SPAG9: variants seen among roughly 807,000 people sequenced by gnomAD.
SPAG9 encodes sperm associated antigen 9.
SPAG9 carries 35 observed loss-of-function variants against 166.5 expected under a neutral mutation model. The observed-to-expected ratio is 0.21, with a 90% confidence interval of 0.16 to 0.28. The LOEUF (loss-of-function observed/expected upper bound fraction) is 0.28, where lower values mean the gene tolerates loss of function less well. SPAG9 is among the 10% of genes least tolerant of loss of function. The pLI is 1.00. For synonymous variants in SPAG9, 534 were observed against 565.5 expected (o/e 0.94, Z 0.79); for missense variants, 1,235 against 1,603.3 (o/e 0.77, Z 3.92).
intron 1 of SPAG9, among the ~76,000 whole-genome samples, chr17:51,107,365 T>C (rs896814354): frequency 2.0e-5 from 3 of 151,138 alleles, no homozygotes; most frequent in Non-Finnish European, 2.9e-5. Flanking sequence ...CTGGGCAACA[T>C]AGTCTGACCC....
chr17:51,085,959 A>ATTTTTT lies in SPAG9; in HGVS notation c.304-6261_304-6256dup, dbSNP rs34918673. ...ATAATTTTTTATCCTCTTGGAAATCATTTTTTTTTTTTTTTTTTTTTTTTT... is the reference window on the plus strand; with the variant it reads ...ATAATTTTTTATCCTCTTGGAAATCATTTTTTTTTTTTTTTTTTTTTTTTTTTTTTT... On this transcript the variant is annotated intron_variant, in intron 1 of 29. Coordinates refer to ENST00000262013, the MANE Select transcript of SPAG9 (RefSeq NM_001130528.3). Among the ~76,000 whole-genome samples, 48 of 88,066 alleles carry ATTTTTT rather than the reference A, an allele frequency of 5.5e-4. 1 individual carries two copies. Among genetic ancestry groups the ATTTTTT allele is most frequent in the African/African-American group, 7.8e-4 (17 of 21,930 alleles). The allele number at this position is 88,066 out of a possible 152,430, so 57.8% of individuals were successfully genotyped here.
At chr17:51,024,131 A>AC (rs1363572218) in intron 6 of SPAG9, among the ~76,000 whole-genome samples, 1 of 151,956 alleles carries the variant, frequency 6.6e-6, no homozygotes, top group Non-Finnish European at 1.5e-5. Context: ...CCCGTAATCT[A>AC]CTAAAAACAC....
In SPAG9 at chr17:50,990,558, T is replaced by A. The variant is rs1267787432; in HGVS notation, c.2509A>T (p.Ser837Cys). 6 of 1,614,188 alleles carry A rather than the reference T, an allele frequency of 3.7e-6. No homozygotes were observed. The highest frequency in any genetic ancestry group is 3.3e-4 in the Middle Eastern group (2 of 6,062). ...MTSNSSAETD[S>C]LLGGITVVGC... The stretch of plus-strand genomic sequence containing the variant: ...ACCACTGTGATGCCTCCTAACAGGC[T>A]GTCTGTCTCTGCTGAGCTGTTGCTT... The change falls in exon 20 of 30, where the codon AGC (serine) becomes TGC (cysteine). Residue 837 changes from serine (S) to cysteine (C), a missense_variant. Transcript: ENST00000262013.
rs1436883787 is a variant in SPAG9, at chr17:50,985,698, A to G, written c.3020T>C (p.Val1007Ala). ...GAAGAATTTCCAAAATAAAACTTACACAATACTGAGAATCGAATCTTTAAG... is the reference window on the plus strand; with the variant it reads ...GAAGAATTTCCAAAATAAAACTTACGCAATACTGAGAATCGAATCTTTAAG... ...IKLKDSILSI[V>A]HVKGIVLVAL... The change falls in exon 23 of 30, where the codon GTA becomes GCA. Residue 1007 changes from valine to alanine, a missense_variant and splice_region_variant. Around this residue, in one of 6 missense-constraint regions of SPAG9, gnomAD observed 493 missense variants for 559.4 expected, o/e 0.88. Transcript: ENST00000262013. The G allele has an allele frequency of 2.5e-6, 4 of 1,571,088 alleles. No individual in the cohort carries two copies. Among genetic ancestry groups the G allele is most frequent in the African/African-American group, 2.7e-5 (2 of 74,002 alleles).
chr17:51,018,879 GT>G, intron 8 of SPAG9, among the ~76,000 whole-genome samples: 1 of 152,232 alleles, frequency 6.6e-6, no homozygotes, highest in African/African-American at 2.4e-5. Context: ...CCGCTTCTTG[GT>G]TTTTTCAAGT....
At chr17:51,017,477 T>C (rs1029018074) in intron 8 of SPAG9, among the ~76,000 whole-genome samples, 2 of 151,708 alleles carry the variant, frequency 1.3e-5, no homozygotes, top group East Asian at 3.9e-4. Context: ...CAGGGTGATG[T>C]AGGATCCAGG....
chr17:50,976,959 G>T, intron 27 of SPAG9, 149 bp downstream of exon 27: 1 of 573,812 alleles, frequency 1.7e-6, no homozygotes, highest in East Asian at 2.9e-5. Flanking sequence ...TATTTTCCTA[G>T]AATTTATAAG....
chr17:51,118,508 T>G (rs1484178644), intron 1 of SPAG9, among the ~76,000 whole-genome samples: 1 of 152,190 alleles, frequency 6.6e-6, no homozygotes, highest in Non-Finnish European at 1.5e-5. Context: ...GAGCATTTAT[T>G]TTACGTGAGG....
intron 1 of SPAG9, among the ~76,000 whole-genome samples, chr17:51,086,008 G>A (rs189650832): frequency 1.4e-3 from 166 of 120,644 alleles, no homozygotes; most frequent in East Asian, 5.1e-3. Context: ...TCACTCTGTC[G>A]CCCAGGCTGG....
intron 5 of SPAG9, among the ~76,000 whole-genome samples, chr17:51,037,665 T>TTTTATATATATATA (rs1239466619): frequency 3.2e-5 from 3 of 92,912 alleles, no homozygotes; most frequent in African/African-American, 1.1e-4. Context: ...TATATGTGTT[T>TTTTATATATATATA]TATATATATA....
At chr17:51,077,519 A>C (rs1197404793) in intron 2 of SPAG9, among the ~76,000 whole-genome samples, 1 of 152,206 alleles carries the variant, frequency 6.6e-6, no homozygotes, top group East Asian at 1.9e-4. Flanking sequence ...TCAACTCTTG[A>C]AATGTACCAA....
At chr17:51,001,908 A>G (rs2044969553) in intron 12 of SPAG9, 63 bp from the exon 13 acceptor site, 1 of 1,456,872 alleles carries the variant, frequency 6.9e-7, no homozygotes, top group African/African-American at 1.4e-5. Flanking sequence ...TGTTCATCTC[A>G]GAGTTATGCA....
intron 1 of SPAG9, among the ~76,000 whole-genome samples, chr17:51,098,532 G>T (rs1021990002): frequency 5.3e-5 from 8 of 151,912 alleles, no homozygotes; most frequent in African/African-American, 1.5e-4. Context: ...CGCTCTTGTT[G>T]CCCAGGTTGG....
chr17:51,021,642 CA>C (rs2045940367), intron 6 of SPAG9, among the ~76,000 whole-genome samples: 1 of 151,988 alleles, frequency 6.6e-6, no homozygotes, highest in African/African-American at 2.4e-5. Context: ...ACATTAATGT[CA>C]ATATCATTCT....
chr17:51,082,531 C>T (rs2048194974), intron 1 of SPAG9, among the ~76,000 whole-genome samples: 1 of 152,018 alleles, frequency 6.6e-6, no homozygotes, highest in Admixed American at 6.6e-5. Flanking sequence ...AATGTGGGTT[C>T]CATGAAGTCA....
intron 1 of SPAG9, among the ~76,000 whole-genome samples, chr17:51,117,319 T>C (rs558577053): frequency 3.9e-5 from 6 of 152,290 alleles, no homozygotes; most frequent in African/African-American, 1.4e-4. Context: ...TTTACTTTAC[T>C]CTCTCTGGTG....
In SPAG9 at chr17:50,993,882, G is replaced by T. The variant is rs761685502; in HGVS notation, c.2280C>A (p.Ile760=). 6.2e-6 allele frequency: 10 copies of T among 1,614,036 alleles called. No homozygotes were observed. The highest frequency in any genetic ancestry group is 1.7e-5 in the Admixed American group (1 of 60,002). ...NQEELSSLVW[I]CTSTHSATKV... ...TTGTAGCCGAATGAGTGCTGGTACA[G>T]ATCCAAACTAGACTGGATAATTCTT... The change falls in exon 19 of 30, where the codon ATC becomes ATA. Residue 760 remains isoleucine (I), a synonymous_variant. Transcript: ENST00000262013.
At chr17:51,081,060 A>G (rs987730866) in intron 1 of SPAG9, among the ~76,000 whole-genome samples, 6 of 151,986 alleles carry the variant, frequency 3.9e-5, no homozygotes, top group Non-Finnish European at 8.8e-5. Context: ...CACATATCCA[A>G]TCCATCAGCA....
chr17:50,964,651 C>A lies in SPAG9; in HGVS notation c.*1621G>T. The A allele has an allele frequency of 2.6e-6, 1 of 389,658 alleles. No individual in the cohort carries two copies. 24.1% of individuals were successfully genotyped at this position (389,658 alleles called of 1,614,324 possible). A position where few individuals can be genotyped will look rare whatever the true frequency, so the allele number is the denominator to read the frequency against. ...GTAATAGATAAAAAAGGGTAAATCACACATTTTCAAGAAGCTTGAGAGGGA... is the reference window on the plus strand; with the variant it reads ...GTAATAGATAAAAAAGGGTAAATCAAACATTTTCAAGAAGCTTGAGAGGGA... On this transcript the variant is annotated 3_prime_UTR_variant, in exon 30 of 30. Coordinates refer to ENST00000262013, the MANE Select transcript of SPAG9 (RefSeq NM_001130528.3).
Sources: allele counts gnomAD v4.1 joint callset (sites outside exome capture counted in the v4.1 genomes callset), GRCh38; gene constraint gnomAD v4.1.1; regional missense constraint gnomAD v4.1.1; transcripts MANE v1.5; gene names NCBI Gene and HGNC (gene_info 2026-07-23, HGNC 2026-07-21).